UCHL3: variants seen among roughly 807,000 people sequenced by gnomAD.
The protein encoded by UCHL3 is ubiquitin carboxyl-terminal hydrolase isozyme L3.
In UCHL3, 22 loss-of-function variants were observed where a neutral mutation model predicts 35.8. The observed-to-expected ratio is 0.61, with a 90% CI of 0.44 to 0.88. The LOEUF (loss-of-function observed/expected upper bound fraction) is 0.88. Ranked by LOEUF, UCHL3 falls within the 40% of genes least tolerant of loss-of-function variation. The probability of loss-of-function intolerance (pLI) is 0.00; values close to 1 mark genes in which losing one functional copy is unlikely to be tolerated. For missense variants in UCHL3, 229 were observed against 276.9 expected, an observed-to-expected ratio of 0.83 and a Z score of 1.23; for synonymous variants, 90 against 92.8, an observed-to-expected ratio of 0.97 and a Z score of 0.17.
At chr13:75,568,812 A>G (rs976365991) in intron 5 of UCHL3, among the ~76,000 whole-genome samples, 2 of 152,170 alleles carry the variant, frequency 1.3e-5, no homozygotes, top group Admixed American at 1.3e-4. Flanking sequence ...TGGATAAAAT[A>G]GTTTGCATGT....
At chr13:75,549,590 G>T, upstream of UCHL3, 1 of 462,724 alleles carries the variant, frequency 2.2e-6, no homozygotes, top group Non-Finnish European at 3.7e-6. Context: ...ATAGGAAATT[G>T]GCTTATTTTT....
chr13:75,557,290 C>T (rs1279825928), intron 2 of UCHL3, among the ~76,000 whole-genome samples: 1 of 151,654 alleles, frequency 6.6e-6, no homozygotes, highest in Non-Finnish European at 1.5e-5. Context: ...GCTCCTAGCT[C>T]CTCACATACA....
intron 3 of UCHL3, among the ~76,000 whole-genome samples, chr13:75,563,513 G>A (rs1376511686): frequency 6.6e-6 from 1 of 152,086 alleles, no homozygotes; most frequent in Admixed American, 6.6e-5. Context: ...AAATTTTATT[G>A]TGTATATTTG....
intron 7 of UCHL3, among the ~76,000 whole-genome samples, chr13:75,600,503 A>G (rs1409916259): frequency 6.6e-6 from 1 of 152,226 alleles, no homozygotes; most frequent in Non-Finnish European, 1.5e-5. Flanking sequence ...GTCCTTAAGA[A>G]TGATGCTAAA....
intron 6 of UCHL3, among the ~76,000 whole-genome samples, chr13:75,570,437 C>T (rs999019882): frequency 2.6e-5 from 4 of 152,042 alleles, no homozygotes; most frequent in African/African-American, 9.7e-5. Flanking sequence ...GGGGTTTCCC[C>T]GTGTTAGCCA....
chr13:75,549,810 G>C lies in UCHL3; in HGVS notation c.-11G>C. ...GCGGCTGTCAGAGCTGGAGGGCCGG[G>C]CACCGCGGCCATGGAGGGTCAACGC... On this transcript the variant is annotated 5_prime_UTR_variant, in exon 1 of 9. Coordinates refer to ENST00000377595, the MANE Select transcript of UCHL3 (RefSeq NM_006002.5). The C allele has an allele frequency of 6.5e-7, 1 of 1,549,680 alleles. No homozygotes were observed. Among genetic ancestry groups the C allele is most frequent in the East Asian group, 2.3e-5 (1 of 42,660 alleles).
At chr13:75,565,707 G>GCTGA (rs1232109773) in intron 3 of UCHL3, among the ~76,000 whole-genome samples, 1 of 152,170 alleles carries the variant, frequency 6.6e-6, no homozygotes, top group Non-Finnish European at 1.5e-5. Flanking sequence ...GCTGTCATTT[G>GCTGA]CTGACCCCGC....
Position 75,557,317 on chromosome 13 carries a change from T to C in UCHL3, c.55-3436T>C, listed in dbSNP as rs539862246. The stretch of plus-strand genomic sequence containing the variant: ...TCACATACAAGGGTCTCAAAACATA[T>C]TTACAAATAATTTTAAATATTCTTT... On this transcript the variant is annotated intron_variant, in intron 2 of 8. Coordinates refer to ENST00000377595, the MANE Select transcript of UCHL3 (RefSeq NM_006002.5). Among the ~76,000 whole-genome samples the C allele has an allele frequency of 2.6e-5, 4 of 152,286 alleles. No homozygotes were observed. In the East Asian group the frequency reaches 7.7e-4, roughly 29 times the overall value.
At chr13:75,562,804 A>G (rs901181491) in intron 3 of UCHL3, among the ~76,000 whole-genome samples, 1 of 152,204 alleles carries the variant, frequency 6.6e-6, no homozygotes, top group Admixed American at 6.5e-5. Flanking sequence ...GTATTTGCGT[A>G]AGTAAATTTG....
intron 7 of UCHL3, chr13:75,604,566 T>G (rs2032876839): frequency 2.6e-6 from 1 of 391,258 alleles, no homozygotes; most frequent in Admixed American, 4.5e-5. Context: ...ATTTAGGCTT[T>G]CAAATATGGA....
At chr13:75,599,152 T>TTG (rs1555277564) in intron 7 of UCHL3, among the ~76,000 whole-genome samples, 33 of 123,230 alleles carry the variant, frequency 2.7e-4, no homozygotes, top group Non-Finnish European at 3.4e-4. Flanking sequence ...TTTTTTTTTT[T>TTG]GTAAATTGGG....
At position 75,605,822 on chromosome 13, in the gene UCHL3, A is replaced by T. The variant is rs750019599; in HGVS notation, c.*10A>T. The T allele has an allele frequency of 1.2e-6, 2 of 1,613,584 alleles. No individual in the cohort carries two copies. The highest frequency in any genetic ancestry group is 2.2e-5 in the South Asian group (2 of 91,034). On this transcript the variant is annotated 3_prime_UTR_variant, in exon 9 of 9. Transcript: ENST00000377595. ...TCTTTCTGCAGCATAGCTTGTCAAT[A>T]ATGGAAACACCAAAAACTGTATTAT...
intron 5 of UCHL3, among the ~76,000 whole-genome samples, chr13:75,568,613 T>G (rs1311183852): frequency 1.3e-5 from 2 of 152,030 alleles, no homozygotes; most frequent in African/African-American, 4.8e-5. Flanking sequence ...GCTGCATAGC[T>G]TTCCATTATG....
intron 6 of UCHL3, among the ~76,000 whole-genome samples, chr13:75,591,038 T>C (rs2032466154): frequency 6.6e-6 from 1 of 152,190 alleles, no homozygotes; most frequent in African/African-American, 2.4e-5. Flanking sequence ...GTGTGTGCCA[T>C]ACATTTATAA....
intron 6 of UCHL3, among the ~76,000 whole-genome samples, chr13:75,585,475 G>C (rs1337280625): frequency 6.6e-6 from 1 of 152,052 alleles, no homozygotes; most frequent in Non-Finnish European, 1.5e-5. Flanking sequence ...CAAAAACTGA[G>C]AGAGCTCATA....
At chr13:75,562,580 T>C (rs983959444) in intron 3 of UCHL3, among the ~76,000 whole-genome samples, 7 of 152,096 alleles carry the variant, frequency 4.6e-5, no homozygotes. Context: ...TTAGCTGAGG[T>C]GATACAAATA....
At chr13:75,590,099 AC>A in intron 6 of UCHL3, 1 of 1,303,384 alleles carries the variant, frequency 7.7e-7, no homozygotes, top group Non-Finnish European at 1.0e-6. Flanking sequence ...GACCCTTCTT[AC>A]GTCTACCATC....
intron 3 of UCHL3, among the ~76,000 whole-genome samples, chr13:75,565,920 C>G (rs2031668726): frequency 6.6e-6 from 1 of 152,186 alleles, no homozygotes; most frequent in African/African-American, 2.4e-5. Flanking sequence ...CCCAGGCAGT[C>G]AGCTATAGAG....
intron 3 of UCHL3, among the ~76,000 whole-genome samples, chr13:75,561,901 A>G (rs909766167): frequency 6.6e-6 from 1 of 151,812 alleles, no homozygotes; most frequent in African/African-American, 2.4e-5. Context: ...ATACACACAC[A>G]TGCACATATA....
Sources: allele counts gnomAD v4.1 joint callset (sites outside exome capture counted in the v4.1 genomes callset), GRCh38; gene constraint gnomAD v4.1.1; transcripts MANE v1.5; gene names NCBI Gene and HGNC (gene_info 2026-07-23, HGNC 2026-07-21).